Variants in LARP4B observed in about 807,000 individuals in gnomAD.
LARP4B encodes La ribonucleoprotein 4B.
A neutral mutation model predicts 89.8 loss-of-function variants in LARP4B; 12 were observed. The observed-to-expected ratio is 0.13, with a 90% CI of 0.09 to 0.22. LARP4B has a LOEUF of 0.22. LARP4B is among the 10% of genes least tolerant of loss of function. LARP4B has a pLI of 1.00. For synonymous variants in LARP4B, 367 were observed against 363.3 expected, an observed-to-expected ratio of 1.01 and a Z score of -0.12; for missense variants, 757 against 947.7, an observed-to-expected ratio of 0.80 and a Z score of 2.64.
At chr10:869,098 C>G (rs1249041469) in intron 3 of LARP4B, among the ~76,000 whole-genome samples, 1 of 152,138 alleles carries the variant, frequency 6.6e-6, no homozygotes, top group Non-Finnish European at 1.5e-5. Flanking sequence ...AGAGGGACAG[C>G]CTTATCTCGG....
chr10:973,027 G>A, the LARP4B span: 3 of 379,718 alleles, frequency 7.9e-6, no homozygotes, highest in Non-Finnish European at 1.6e-5. Context: ...GGAGGCTAAT[G>A]GGAGAAGTCG....
At chr10:889,708 G>A (rs1835960375) in intron 1 of LARP4B, among the ~76,000 whole-genome samples, 1 of 152,168 alleles carries the variant, frequency 6.6e-6, no homozygotes, top group South Asian at 2.1e-4. Flanking sequence ...CCAACACTTT[G>A]GGAGGCTGAG....
At position 884,439 on chromosome 10, in the gene LARP4B, T is replaced by C. The variant is rs1835790345; in HGVS notation, c.141+8A>G. 13 of 1,573,952 alleles carry C rather than the reference T, an allele frequency of 8.3e-6. No individual in the cohort carries two copies. The highest frequency in any genetic ancestry group is 1.1e-5 in the Non-Finnish European group (13 of 1,143,682). On this transcript the variant is annotated splice_region_variant and intron_variant, in intron 3 of 17. Transcript: ENST00000316157. ...AAAAATCTGTGATTAATCTCAAAAT[T>C]GAATTACCTGACTCAAAGGTGGGAT...
intron 2 of LARP4B, among the ~76,000 whole-genome samples, chr10:884,753 C>T (rs895511883): frequency 2.6e-5 from 4 of 152,096 alleles, no homozygotes; most frequent in African/African-American, 9.7e-5. Context: ...TGCTCAAAGC[C>T]ACTTTGGAAC....
At chr10:950,313 A>T in the LARP4B span, among the ~76,000 whole-genome samples, 1 of 152,140 alleles carries the variant, frequency 6.6e-6, no homozygotes, top group Non-Finnish European at 1.5e-5. Flanking sequence ...ATATATTATC[A>T]TGCTGGTAAG....
At chr10:874,443 T>TTG (rs1835375614) in intron 3 of LARP4B, among the ~76,000 whole-genome samples, 1 of 152,320 alleles carries the variant, frequency 6.6e-6, no homozygotes, top group Admixed American at 6.5e-5. Flanking sequence ...TTGAAAGTAC[T>TTG]TGATGCAGGA....
intron 3 of LARP4B, among the ~76,000 whole-genome samples, chr10:865,360 G>C (rs1834847339): frequency 6.6e-6 from 1 of 152,178 alleles, no homozygotes; most frequent in East Asian, 1.9e-4. Context: ...AGTCACGCAT[G>C]CTCAGTTAGT....
At chr10:922,184 G>C (rs2132049891) in intron 1 of LARP4B, among the ~76,000 whole-genome samples, 1 of 152,318 alleles carries the variant, frequency 6.6e-6, no homozygotes, top group East Asian at 1.9e-4. Flanking sequence ...TAGATCCCTT[G>C]CATGTGCAGT....
At chr10:972,390 C>T in the LARP4B span, 2 of 423,460 alleles carry the variant, frequency 4.7e-6, no homozygotes, top group Non-Finnish European at 9.3e-6. Context: ...TGGCACCATG[C>T]TCTTGGACTT....
At chr10:827,089 C>A (rs531094377) in intron 11 of LARP4B, among the ~76,000 whole-genome samples, 76 of 152,270 alleles carry the variant, frequency 5.0e-4, no homozygotes, top group South Asian at 2.3e-3. Context: ...TCCTGGCTAA[C>A]ATGGTGAAAC....
chr10:852,658 G>C (rs1034197653), intron 5 of LARP4B, among the ~76,000 whole-genome samples: 8 of 152,122 alleles, frequency 5.3e-5, no homozygotes, highest in African/African-American at 1.9e-4. Context: ...GAAATAAAAG[G>C]CATCAAGATT....
At chr10:890,759 T>A (rs1588967988) in intron 1 of LARP4B, among the ~76,000 whole-genome samples, 1 of 152,134 alleles carries the variant, frequency 6.6e-6, no homozygotes. Context: ...CTGAAAAACC[T>A]GAGCAAATAC....
At chr10:824,867 C>T (rs1380123390) in intron 13 of LARP4B, among the ~76,000 whole-genome samples, 198 bp downstream of exon 13, 3 of 152,258 alleles carry the variant, frequency 2.0e-5, no homozygotes, top group Non-Finnish European at 4.4e-5. Flanking sequence ...AAAACAACTA[C>T]AGTTCTCACT....
intron 3 of LARP4B, among the ~76,000 whole-genome samples, chr10:865,269 G>A (rs1834840823): frequency 6.6e-6 from 1 of 152,156 alleles, no homozygotes; most frequent in South Asian, 2.1e-4. Context: ...GGACAGCTGT[G>A]GAACATGGGC....
rs533734170 is a variant in LARP4B, at chr10:829,985, A to G, written c.862-251T>C. The stretch of plus-strand genomic sequence containing the variant: ...TTTTGTAAGTATTAACAGATGCCAT[A>G]GAAGTCTCCCAAAGACCACTGGCTA... On this transcript the variant is annotated intron_variant, in intron 9 of 17. Transcript: ENST00000316157. 5.9e-5 allele frequency among the ~76,000 whole-genome samples: 9 copies of G among 152,328 alleles called. No individual in the cohort carries two copies. The East Asian group carries it at 1.7e-3, about 29-fold the overall frequency.
In LARP4B at chr10:868,379, A is replaced by T. The variant is rs1000335291; in HGVS notation, c.142-4109T>A. ...ATAGCTGCTATATTAAGATTTGCTT[A>T]AAAAAAAAAAAAAAAAAAGACACCT... On this transcript the variant is annotated intron_variant, in intron 3 of 17. Transcript: ENST00000316157. 1.5e-4 allele frequency among the ~76,000 whole-genome samples: 13 copies of T among 85,842 alleles called. No homozygotes were observed. In the East Asian group the frequency reaches 1.9e-3, roughly 13 times the overall value. 56.3% of individuals were successfully genotyped at this position (85,842 alleles called of 152,430 possible).
intron 1 of LARP4B, among the ~76,000 whole-genome samples, chr10:895,132 G>C (rs1836147284): frequency 6.6e-6 from 1 of 152,118 alleles, no homozygotes; most frequent in Non-Finnish European, 1.5e-5. Context: ...GTTGCAGTGA[G>C]CCAAGATCGC....
At chr10:816,569 G>A (rs548703377) in intron 15 of LARP4B, among the ~76,000 whole-genome samples, 1 of 152,342 alleles carries the variant, frequency 6.6e-6, no homozygotes, top group African/African-American at 2.4e-5. Context: ...TGCTGTTTCT[G>A]AAGCAGGGTT....
intron 11 of LARP4B, among the ~76,000 whole-genome samples, chr10:827,770 G>A (rs1246105441): frequency 3.9e-5 from 6 of 152,202 alleles, no homozygotes; most frequent in Non-Finnish European, 8.8e-5. Flanking sequence ...CACGTGCAGC[G>A]ATGATTCTTC....
Sources: allele counts gnomAD v4.1 joint callset (sites outside exome capture counted in the v4.1 genomes callset), GRCh38; gene constraint gnomAD v4.1.1; transcripts MANE v1.5; gene names NCBI Gene and HGNC (gene_info 2026-07-23, HGNC 2026-07-21).